RAB11FIP3: variants seen among roughly 807,000 people sequenced by gnomAD.
The protein encoded by RAB11FIP3 is RAB11 family interacting protein 3.
Under a neutral mutation model 77.8 loss-of-function variants are expected in RAB11FIP3, and 17 were observed. The observed-to-expected ratio is 0.22, with a 90% CI of 0.15 to 0.33. The LOEUF (loss-of-function observed/expected upper bound fraction) is 0.33. RAB11FIP3 is among the 10% of genes least tolerant of loss of function. The probability of loss-of-function intolerance (pLI) is 1.00; values close to 1 mark genes in which losing one functional copy is unlikely to be tolerated. For synonymous variants in RAB11FIP3, 437 were observed against 448.2 expected (o/e 0.98, Z 0.31); for missense variants, 1,005 against 1,011.2 (o/e 0.99, Z 0.08).
At chr16:486,721 T>C (rs2056162125) in intron 4 of RAB11FIP3, among the ~76,000 whole-genome samples, 1 of 152,148 alleles carries the variant, frequency 6.6e-6, no homozygotes, top group South Asian at 2.1e-4. Flanking sequence ...CCGTCAAGCA[T>C]CAGGAAGAAG....
chr16:503,516 C>T lies in RAB11FIP3; in HGVS notation c.1395+419C>T, dbSNP rs893384979. Among the ~76,000 whole-genome samples, 6 of 152,118 alleles carry T rather than the reference C, an allele frequency of 3.9e-5. No individual in the cohort carries two copies. The East Asian group carries it at 7.7e-4, about 20-fold the overall frequency. On this transcript the variant is annotated intron_variant, in intron 7 of 13. Coordinates refer to ENST00000262305, the MANE Select transcript of RAB11FIP3 (RefSeq NM_014700.4). ...ACTGCAGAGCCAACAGCCTGAGGAA[C>T]GGGCTTCTCCTGGGGCCTTGAATGG... is the stretch of plus-strand genomic sequence containing the variant.
intron 1 of RAB11FIP3, among the ~76,000 whole-genome samples, chr16:435,418 A>G (rs1264086422): frequency 6.6e-6 from 1 of 152,206 alleles, no homozygotes; most frequent in Non-Finnish European, 1.5e-5. Context: ...GCATCCACTT[A>G]AGTCTATTAT....
chr16:452,100 G>T (rs186236377), intron 1 of RAB11FIP3, among the ~76,000 whole-genome samples: 1 of 152,272 alleles, frequency 6.6e-6, no homozygotes, highest in Admixed American at 6.5e-5. Context: ...GCAGTGAGTT[G>T]AGATCGCGCC....
chr16:481,625 G>C (rs62033165), intron 3 of RAB11FIP3, among the ~76,000 whole-genome samples: 32 of 74,032 alleles, frequency 4.3e-4, no homozygotes, highest in Admixed American at 8.0e-4. Flanking sequence ...AGTCTCTTGA[G>C]TAGCTGGGAC....
intron 8 of RAB11FIP3, among the ~76,000 whole-genome samples, chr16:509,878 T>C (rs1201952475): frequency 6.6e-6 from 1 of 152,206 alleles, no homozygotes; most frequent in Non-Finnish European, 1.5e-5. Context: ...CTTTGGGTGA[T>C]GTGCCATGAA....
At chr16:489,507 C>T (rs1233291868) in intron 5 of RAB11FIP3, among the ~76,000 whole-genome samples, 3 of 152,176 alleles carry the variant, frequency 2.0e-5, no homozygotes, top group Non-Finnish European at 1.5e-5. Context: ...GGCTTGGATC[C>T]GAACATGGGG....
At chr16:487,133 T>TTC (rs1762824173) in intron 4 of RAB11FIP3, among the ~76,000 whole-genome samples, 1 of 92,884 alleles carries the variant, frequency 1.1e-5, no homozygotes, top group African/African-American at 1.3e-4. Context: ...TTTGGTTTCT[T>TTC]TTTTTTTTTT....
chr16:520,607 A>G lies in RAB11FIP3; in HGVS notation c.2157+8A>G. 6.2e-7 allele frequency: 1 copy of G among 1,613,000 alleles called. No individual in the cohort carries two copies. The highest frequency in any genetic ancestry group is 8.5e-7 in the Non-Finnish European group (1 of 1,179,634). ...TCCGTCTCCCGAGATGAGGTAACAC[A>G]TCCCGTGTCTGCACGGTGTGGCCTG... On this transcript the variant is annotated splice_region_variant and intron_variant, in intron 13 of 13. Coordinates refer to ENST00000262305, the MANE Select transcript of RAB11FIP3 (RefSeq NM_014700.4).
At chr16:489,211 C>T in intron 5 of RAB11FIP3, 3 of 624,452 alleles carry the variant, frequency 4.8e-6, no homozygotes, top group Non-Finnish European at 5.3e-6. Context: ...CCCCAGATCA[C>T]TCTACATTTC....
At position 465,598 on chromosome 16, in the gene RAB11FIP3, G is replaced by A. The variant is rs368476424; in HGVS notation, c.808+4101G>A. Among the ~76,000 whole-genome samples, 6 of 152,162 alleles carry A rather than the reference G, an allele frequency of 3.9e-5. No homozygotes were observed. In the East Asian group the frequency reaches 7.7e-4, roughly 20 times the overall value. ...GTGTGGGCGGCCTGTCAGTAGCCAC[G>A]GCCTCTCAGCACTGGCTCCTTTTTC... is the stretch of plus-strand genomic sequence containing the variant. On this transcript the variant is annotated intron_variant, in intron 2 of 13. Transcript: ENST00000262305.
In RAB11FIP3 at chr16:428,196, G is replaced by T. The variant is rs138287325; in HGVS notation, c.714+1476G>T. 8.2e-3 allele frequency among the ~76,000 whole-genome samples: 1,253 copies of T among 152,212 alleles called. 24 individuals carry two copies. Among genetic ancestry groups the T allele is most frequent in the African/African-American group, 0.029 (1,184 of 41,472 alleles). On this transcript the variant is annotated intron_variant, in intron 1 of 13. Transcript: ENST00000262305. ...ATTAAGAAGATGTGCAGACAGGTGC[G>T]TGCGGGGCAGCCTGCAATGCTCGCA...
intron 5 of RAB11FIP3, among the ~76,000 whole-genome samples, chr16:494,745 G>C (rs8047043): frequency 0.02 from 2,971 of 150,096 alleles, 144 homozygotes; most frequent in African/African-American, 0.071. Context: ...GGCTGAAATC[G>C]CAGTGCTTTG....
chr16:445,343 G>A (rs1377659209), intron 1 of RAB11FIP3, among the ~76,000 whole-genome samples: 1 of 151,194 alleles, frequency 6.6e-6, no homozygotes, highest in Non-Finnish European at 1.5e-5. Context: ...GGAGGCTGAG[G>A]CACGAGAATC....
At chr16:455,193 T>C (rs543363321) in intron 1 of RAB11FIP3, among the ~76,000 whole-genome samples, 1 of 151,592 alleles carries the variant, frequency 6.6e-6, no homozygotes, top group Non-Finnish European at 1.5e-5. Context: ...AATTGAGAAC[T>C]GCGCAGCCAG....
At chr16:452,508 C>T (rs1224593575) in intron 1 of RAB11FIP3, 1 of 150,776 alleles carries the variant, frequency 6.6e-6, no homozygotes, top group African/African-American at 2.4e-5. Flanking sequence ...GATCTCGGCT[C>T]ACTGCAAGCT....
intron 9 of RAB11FIP3, among the ~76,000 whole-genome samples, chr16:516,770 G>A (rs756416823): frequency 4.3e-4 from 66 of 152,284 alleles, no homozygotes; most frequent in Non-Finnish European, 7.5e-4. Context: ...CCAGCTATTC[G>A]GGAGGCTGAG....
chr16:453,538 G>T (rs1037451496), intron 1 of RAB11FIP3: 2 of 151,336 alleles, frequency 1.3e-5, no homozygotes, highest in South Asian at 4.2e-4. Flanking sequence ...TCGGTTCCCC[G>T]GTTCCTCATC....
At chr16:509,078 A>G (rs879270093) in intron 8 of RAB11FIP3, among the ~76,000 whole-genome samples, 1 of 151,848 alleles carries the variant, frequency 6.6e-6, no homozygotes, top group South Asian at 2.1e-4. Flanking sequence ...TAATTTTTGT[A>G]TTTTTAGTAG....
At position 472,209 on chromosome 16, in the gene RAB11FIP3, T is replaced by C. The variant is rs115453444; in HGVS notation, c.903+820T>C. Among the ~76,000 whole-genome samples the C allele has an allele frequency of 3.9e-5, 6 of 152,204 alleles. No individual in the cohort carries two copies. The highest frequency in any genetic ancestry group is 8.8e-5 in the Non-Finnish European group (6 of 68,026). On this transcript the variant is annotated intron_variant, in intron 3 of 13. Coordinates refer to ENST00000262305, the MANE Select transcript of RAB11FIP3 (RefSeq NM_014700.4). This position sits in a 1 kb window ranked among gnomAD's most constrained non-coding sequence, Gnocchi z 4.1. Reference sequence around the variant, plus strand: ...CGCCACTGTACCGTGGGAGCCATGGTATTATACTCAGTTCCCTGTTCCGAG... The same window carrying C: ...CGCCACTGTACCGTGGGAGCCATGGCATTATACTCAGTTCCCTGTTCCGAG...
Sources: allele counts gnomAD v4.1 joint callset (sites outside exome capture counted in the v4.1 genomes callset), GRCh38; gene constraint gnomAD v4.1.1; non-coding constraint Gnocchi (gnomAD v3.1); transcripts MANE v1.5; gene names NCBI Gene and HGNC (gene_info 2026-07-23, HGNC 2026-07-21).